Variants in MARCHF1 observed in about 807,000 individuals in gnomAD.
MARCHF1 encodes E3 ubiquitin-protein ligase MARCHF1.
In MARCHF1, 40 loss-of-function variants were observed where a neutral mutation model predicts 54.2. The ratio of observed to expected loss-of-function variants is 0.74; its 90% confidence interval spans 0.57 to 0.96. MARCHF1 has a LOEUF of 0.96. MARCHF1 is among the 40% of genes least tolerant of loss of function. The probability of loss-of-function intolerance (pLI) is 0.00; values close to 1 mark genes in which losing one functional copy is unlikely to be tolerated. For synonymous variants in MARCHF1, 236 were observed against 236.3 expected (o/e 1.00, Z 0.01); for missense variants, 586 against 656.5 (o/e 0.89, Z 1.17).
intron 3 of MARCHF1, among the ~76,000 whole-genome samples, chr4:163,959,337 A>C (rs1168026564): frequency 2.6e-5 from 4 of 151,810 alleles, no homozygotes; most frequent in Non-Finnish European, 4.4e-5. Flanking sequence ...CAACAAAAAA[A>C]AAAAACAACA....
At chr4:164,029,067 A>T (rs1056921881) in intron 2 of MARCHF1, among the ~76,000 whole-genome samples, 5 of 152,210 alleles carry the variant, frequency 3.3e-5, no homozygotes. Context: ...CTCCTGTGAG[A>T]AATGCGTAAG....
Position 163,605,090 on chromosome 4 carries a change from A to G in MARCHF1, c.1010+7181T>C, listed in dbSNP as rs187368808. Among the ~76,000 whole-genome samples, 29 of 152,302 alleles carry G rather than the reference A, an allele frequency of 1.9e-4. No homozygotes were observed. The East Asian group carries it at 4.8e-3, about 25-fold the overall frequency. Reference sequence around the variant, plus strand: ...AAATAAATAGTTATTTTCTATATAAATGTATAAATAAATGAATACACAGAT... The same window carrying G: ...AAATAAATAGTTATTTTCTATATAAGTGTATAAATAAATGAATACACAGAT... On this transcript the variant is annotated intron_variant, in intron 7 of 9. Coordinates refer to ENST00000514618, the MANE Select transcript of MARCHF1 (RefSeq NM_001394959.1).
chr4:164,212,204 A>G (rs1282250409), intron 1 of MARCHF1, among the ~76,000 whole-genome samples: 2 of 152,200 alleles, frequency 1.3e-5, no homozygotes, highest in Non-Finnish European at 2.9e-5. Flanking sequence ...CATTCATTAA[A>G]TATTTGCTCT....
chr4:163,943,812 G>A (rs377456505), intron 3 of MARCHF1, among the ~76,000 whole-genome samples: 21 of 149,888 alleles, frequency 1.4e-4, no homozygotes, highest in African/African-American at 4.2e-4. Flanking sequence ...AGCCTTCCAC[G>A]GAATTTAAAC....
intron 1 of MARCHF1, among the ~76,000 whole-genome samples, chr4:164,118,819 C>T (rs1413985266): frequency 6.7e-6 from 1 of 150,298 alleles, no homozygotes; most frequent in Non-Finnish European, 1.5e-5. Context: ...AAACAGGTAA[C>T]AACAATTTAT....
At chr4:164,016,330 T>C (rs1344905325) in intron 2 of MARCHF1, among the ~76,000 whole-genome samples, 2 of 152,046 alleles carry the variant, frequency 1.3e-5, no homozygotes, top group African/African-American at 4.8e-5. Flanking sequence ...TCATGAGAAC[T>C]CACTATCACA....
intron 1 of MARCHF1, among the ~76,000 whole-genome samples, chr4:164,210,143 G>A (rs1019329365): frequency 1.1e-4 from 17 of 152,072 alleles, no homozygotes; most frequent in Non-Finnish European, 1.3e-4. Context: ...ATTATAGTAC[G>A]GAATATTCAC....
At chr4:163,845,491 A>C (rs935594443) in intron 4 of MARCHF1, among the ~76,000 whole-genome samples, 1 of 151,108 alleles carries the variant, frequency 6.6e-6, no homozygotes, top group African/African-American at 2.4e-5. Flanking sequence ...ACACACACAC[A>C]CACACACACA....
At chr4:164,207,151 G>T (rs2111106385) in intron 1 of MARCHF1, among the ~76,000 whole-genome samples, 1 of 152,262 alleles carries the variant, frequency 6.6e-6, no homozygotes, top group East Asian at 1.9e-4. Context: ...ATTAAGAAGT[G>T]AAGAGTAGTA....
intron 1 of MARCHF1, among the ~76,000 whole-genome samples, chr4:164,117,025 A>G (rs1237904450): frequency 6.6e-6 from 1 of 152,100 alleles, no homozygotes; most frequent in African/African-American, 2.4e-5. Flanking sequence ...TGGGAGGCCA[A>G]GGCGGGTAGA....
intron 8 of MARCHF1, among the ~76,000 whole-genome samples, chr4:163,574,899 C>T (rs998716017): frequency 6.6e-6 from 1 of 151,644 alleles, no homozygotes; most frequent in African/African-American, 2.4e-5. Flanking sequence ...TATAAATTAC[C>T]TTGGGCAGTA....
At chr4:164,346,896 T>G (rs1160713168) in intron 1 of MARCHF1, among the ~76,000 whole-genome samples, 1 of 151,978 alleles carries the variant, frequency 6.6e-6, no homozygotes, top group Non-Finnish European at 1.5e-5. Context: ...TTTAAACATC[T>G]TTAGGAAAAA....
intron 1 of MARCHF1, among the ~76,000 whole-genome samples, chr4:164,380,369 G>C (rs1182512787): frequency 6.6e-6 from 1 of 152,130 alleles, no homozygotes; most frequent in Non-Finnish European, 1.5e-5. Flanking sequence ...TAGTTCATTT[G>C]CTATGCACTG....
At chr4:163,926,993 A>G (rs911629796) in intron 3 of MARCHF1, among the ~76,000 whole-genome samples, 6 of 151,910 alleles carry the variant, frequency 3.9e-5, no homozygotes, top group East Asian at 1.9e-4. Context: ...TGGTATAACC[A>G]ATGCTAATTT....
At chr4:164,241,989 A>T (rs955890241) in intron 1 of MARCHF1, among the ~76,000 whole-genome samples, 24 of 152,164 alleles carry the variant, frequency 1.6e-4, no homozygotes, top group Admixed American at 2.6e-4. Context: ...GCCCACGGAG[A>T]CTCACTGATT....
At chr4:164,078,257 T>G (rs928393729) in intron 2 of MARCHF1, among the ~76,000 whole-genome samples, 2 of 152,096 alleles carry the variant, frequency 1.3e-5, no homozygotes, top group African/African-American at 4.8e-5. Flanking sequence ...AAATCATCAT[T>G]CTCAGCAAAC....
At chr4:164,047,797 T>C (rs1754273736) in intron 2 of MARCHF1, among the ~76,000 whole-genome samples, 1 of 152,204 alleles carries the variant, frequency 6.6e-6, no homozygotes, top group Non-Finnish European at 1.5e-5. Flanking sequence ...AAGAAATTTC[T>C]AGTTTGATAA....
chr4:163,631,811 A>G (rs546746789), intron 5 of MARCHF1, among the ~76,000 whole-genome samples: 25 of 152,350 alleles, frequency 1.6e-4, no homozygotes, highest in African/African-American at 5.8e-4. Context: ...AAAGAGATAA[A>G]TCAGCCTACA....
chr4:163,537,098 C>T (rs1207048535), intron 9 of MARCHF1, among the ~76,000 whole-genome samples: 1 of 151,382 alleles, frequency 6.6e-6, no homozygotes, highest in Non-Finnish European at 1.5e-5. Flanking sequence ...TAAGTGGACA[C>T]GATTTTTTTC....
Sources: allele counts gnomAD v4.1 joint callset (sites outside exome capture counted in the v4.1 genomes callset), GRCh38; gene constraint gnomAD v4.1.1; transcripts MANE v1.5; gene names NCBI Gene and HGNC (gene_info 2026-07-23, HGNC 2026-07-21).